Variants in ZPBP2 observed in about 807,000 individuals in gnomAD.
ZPBP2 encodes the protein zona pellucida-binding protein 2.
In ZPBP2, 34 loss-of-function variants were observed where a neutral mutation model predicts 37.5. The observed-to-expected ratio is 0.91, with a 90% CI of 0.69 to 1.21. The LOEUF (loss-of-function observed/expected upper bound fraction) is 1.21, where lower values mean the gene tolerates loss of function less well. Among genes scored for constraint, ZPBP2 ranks in the 50% most tolerant of loss-of-function variants. ZPBP2 has a pLI of 0.00. For missense variants in ZPBP2, 397 were observed against 413.5 expected, an observed-to-expected ratio of 0.96 and a Z score of 0.35; for synonymous variants, 143 against 138.4, an observed-to-expected ratio of 1.03 and a Z score of -0.23.
In ZPBP2 at chr17:39,870,794, T is replaced by C. The variant is rs756138154; in HGVS notation, c.219T>C (p.Ile73=). The C allele has an allele frequency of 2.6e-6, 4 of 1,554,734 alleles. No individual in the cohort carries two copies. The Admixed American group carries it at 7.0e-5, about 27-fold the overall frequency. ...TAGTGGACCCCACCTACTTATGGAT[T>C]GGGCCTAATGAAAAGACGTTAACAG... ...KEIVDPTYLW[I]GPNEKTLTGN... Residue 73 remains isoleucine (I), a synonymous_variant, in exon 3 of 8, where the codon ATT becomes ATC. Coordinates refer to ENST00000348931, the MANE Select transcript of ZPBP2 (RefSeq NM_199321.3).
intron 6 of ZPBP2, 139 bp from the exon 7 acceptor site, chr17:39,875,115 G>A: frequency 1.4e-6 from 1 of 708,630 alleles, no homozygotes; most frequent in Non-Finnish European, 2.3e-6. Context: ...ACTAATTTTG[G>A]TGTTAACACA....
chr17:39,868,626 C>G lies in ZPBP2; in HGVS notation c.118+12C>G. On this transcript the variant is annotated intron_variant, in intron 2 of 7. Coordinates refer to ENST00000348931, the MANE Select transcript of ZPBP2 (RefSeq NM_199321.3). ...GACAGGACAGCCAGGTAATAAGGGC[C>G]TCTGCACACGCGGGCCCATTGGAGG... is the stretch of plus-strand genomic sequence containing the variant. The G allele has an allele frequency of 6.2e-7, 1 of 1,614,092 alleles. No homozygotes were observed. The highest frequency in any genetic ancestry group is 8.5e-7 in the Non-Finnish European group (1 of 1,179,990).
chr17:39,868,441 C>A, intron 1 of ZPBP2, 35 bp downstream of exon 1: 1 of 1,611,762 alleles, frequency 6.2e-7, no homozygotes, highest in Non-Finnish European at 8.5e-7. Flanking sequence ...CAGGCCTCTC[C>A]CTCTGCCCGA....
rs117419107 is a variant in ZPBP2 at position 39,869,298 on chromosome 17, T to C, written c.118+684T>C. Among the ~76,000 whole-genome samples, 367 of 152,232 alleles carry C rather than the reference T, an allele frequency of 2.4e-3. 2 individuals are homozygous for C. The highest frequency in any genetic ancestry group is 4.3e-3 in the Non-Finnish European group (290 of 68,020). Reference sequence around the variant, plus strand: ...CACACATCTTCCTAATATGCCCAGATAGGCTTAATTATTGTTCCCAATGGA... The same window carrying C: ...CACACATCTTCCTAATATGCCCAGACAGGCTTAATTATTGTTCCCAATGGA... On this transcript the variant is annotated intron_variant, in intron 2 of 7. Transcript: ENST00000348931.
intron 4 of ZPBP2, 47 bp downstream of exon 4, chr17:39,871,672 A>G (rs2063365354): frequency 7.0e-7 from 1 of 1,419,398 alleles, no homozygotes; most frequent in Non-Finnish European, 9.4e-7. Flanking sequence ...TTTGGATCGT[A>G]ATTAAGTGTA....
intron 6 of ZPBP2, among the ~76,000 whole-genome samples, chr17:39,873,981 CTTTTTTT>C (rs1037217858): frequency 8.5e-6 from 1 of 117,346 alleles, no homozygotes; most frequent in African/African-American, 3.3e-5. Flanking sequence ...AAAGAAAAGT[CTTTTTTT>C]TTTTTTTTTT....
chr17:39,872,255 C>CTT lies in ZPBP2; in HGVS notation c.407-6_407-5dup. ...TACGATTGTTTTCACTCTCATCTTT[C>CTT]TTTTTTTTTTAAAGCCTATCGGGAA... is the stretch of plus-strand genomic sequence containing the variant. On this transcript the variant is annotated splice_polypyrimidine_tract_variant and intron_variant, in intron 4 of 7. Coordinates refer to ENST00000348931, the MANE Select transcript of ZPBP2 (RefSeq NM_199321.3). 8.8e-6 allele frequency: 12 copies of CTT among 1,362,156 alleles called. No homozygotes were observed. Among genetic ancestry groups the CTT allele is most frequent in the Admixed American group, 2.3e-5 (1 of 43,642 alleles). The allele number at this position is 1,362,156 out of a possible 1,614,324, so 84.4% of individuals were successfully genotyped here. A position where few individuals can be genotyped will look rare whatever the true frequency, so the allele number is the denominator to read the frequency against.
intron 6 of ZPBP2, among the ~76,000 whole-genome samples, chr17:39,874,451 T>G (rs2063380025): frequency 6.6e-6 from 1 of 152,172 alleles, no homozygotes; most frequent in Non-Finnish European, 1.5e-5. Flanking sequence ...TTATTTTGTT[T>G]TGTTTTTGAG....
chr17:39,873,260 T>C, intron 6 of ZPBP2, 134 bp downstream of exon 6: 1 of 598,706 alleles, frequency 1.7e-6, no homozygotes. Flanking sequence ...GTGATCTTCC[T>C]CCCTCAGCCA....
intron 4 of ZPBP2, 34 bp from the exon 5 acceptor site, chr17:39,872,236 T>C (rs1374978594): frequency 5.3e-6 from 8 of 1,522,726 alleles, no homozygotes. Context: ...TAGGTACGAT[T>C]GTTTTCACTC....
At chr17:39,870,902 T>C in intron 3 of ZPBP2, 83 bp downstream of exon 3, 1 of 1,218,820 alleles carries the variant, frequency 8.2e-7, no homozygotes, top group East Asian at 2.7e-5. Context: ...AAAGAACAAA[T>C]TGAAATTTAA....
Position 39,875,395 on chromosome 17 carries a change from A to G in ZPBP2, c.850A>G (p.Lys284Glu), listed in dbSNP as rs115778431. ...RLDSCRPGFG[K>E]NERLHSNCAS... ...GGATAGCTGTCGACCAGGCTTTGGA[A>G]AAAATGAACGTCTACACAGTAATTG... Residue 284 changes from lysine to glutamate, a missense_variant, in exon 7 of 8, where the codon AAA becomes GAA. Coordinates refer to ENST00000348931, the MANE Select transcript of ZPBP2 (RefSeq NM_199321.3). The G allele has an allele frequency of 2.9e-3, 4,755 of 1,613,640 alleles. 12 individuals carry two copies. Among genetic ancestry groups the G allele is most frequent in the Non-Finnish European group, 3.3e-3 (3,936 of 1,179,854 alleles).
In ZPBP2 at chr17:39,873,042, A is replaced by G. The variant is rs771089667; in HGVS notation, c.626-2A>G. 6.2e-6 allele frequency: 10 copies of G among 1,609,562 alleles called. No homozygotes were observed. The highest frequency in any genetic ancestry group is 2.7e-5 in the African/African-American group (2 of 74,542). ...TGAGTCTATCATTTTTTTTCTCTTC[A>G]GTTAATCCTTTTGCGCCGGGGTGGA... is the stretch of plus-strand genomic sequence containing the variant. On this transcript the variant is annotated splice_acceptor_variant, in intron 5 of 7. Coordinates refer to ENST00000348931, the MANE Select transcript of ZPBP2 (RefSeq NM_199321.3). LOFTEE classifies it high-confidence loss of function.
intron 6 of ZPBP2, among the ~76,000 whole-genome samples, chr17:39,874,837 G>A (rs1006428689): frequency 1.1e-4 from 17 of 152,156 alleles, no homozygotes; most frequent in Admixed American, 8.5e-4. Context: ...TGCAACCTCC[G>A]CCTCCGAGGT....
chr17:39,875,883 C>CTTTTTTTTT (rs34192567), intron 7 of ZPBP2, among the ~76,000 whole-genome samples: 1 of 63,770 alleles, frequency 1.6e-5, no homozygotes, highest in African/African-American at 5.2e-5. Context: ...TGCTTGGCCC[C>CTTTTTTTTT]TTTTTTTTTT....
chr17:39,871,745 A>C, intron 4 of ZPBP2, 120 bp downstream of exon 4: 1 of 798,278 alleles, frequency 1.3e-6, no homozygotes, highest in Non-Finnish European at 1.9e-6. Flanking sequence ...ATGACTTACA[A>C]AATATTTTGG....
In ZPBP2 at chr17:39,876,911, C is replaced by A; in HGVS notation, c.*102C>A. 7.1e-7 allele frequency: 1 copy of A among 1,414,928 alleles called. No individual in the cohort carries two copies. The highest frequency in any genetic ancestry group is 9.7e-7 in the Non-Finnish European group (1 of 1,034,440). 87.6% of individuals were successfully genotyped at this position (1,414,928 alleles called of 1,614,324 possible). ...TTCCATTAAGTAAAATCAGTAAGAC[C>A]AAACCACTGGAAAACATGCATTTTG... On this transcript the variant is annotated 3_prime_UTR_variant, in exon 8 of 8. Coordinates refer to ENST00000348931, the MANE Select transcript of ZPBP2 (RefSeq NM_199321.3).
At chr17:39,874,626 T>C (rs1307763590) in intron 6 of ZPBP2, among the ~76,000 whole-genome samples, 1 of 151,864 alleles carries the variant, frequency 6.6e-6, no homozygotes, top group Non-Finnish European at 1.5e-5. Flanking sequence ...AGAGACGAGG[T>C]TTCACCATGT....
At chr17:39,870,650 T>C in intron 2 of ZPBP2, 44 bp from the exon 3 acceptor site, 1 of 1,166,110 alleles carries the variant, frequency 8.6e-7, no homozygotes, top group East Asian at 2.8e-5. Context: ...CTTAATTTAA[T>C]TTTGCTATAT....
Sources: gnomAD v4.1 joint callset for allele counts (sites outside exome capture counted in the v4.1 genomes callset) on GRCh38, gnomAD v4.1.1 for gene constraint, MANE v1.5 for transcripts, NCBI Gene and HGNC (gene_info 2026-07-23, HGNC 2026-07-21) for gene names.